ADAMTSL1: variants seen among roughly 807,000 people sequenced by gnomAD.
ADAMTSL1 encodes the protein ADAMTS-like protein 1.
In ADAMTSL1, 126 loss-of-function variants were observed where a neutral mutation model predicts 201.8. The ratio of observed to expected loss-of-function variants is 0.62; its 90% CI spans 0.54 to 0.72. The LOEUF is 0.72. Ranked by LOEUF, ADAMTSL1 falls within the 30% of genes least tolerant of loss-of-function variation. The probability of loss-of-function intolerance (pLI) is 0.00; values close to 1 mark genes in which losing one functional copy is unlikely to be tolerated. For missense variants in ADAMTSL1, 2,679 were observed against 2,277.8 expected (o/e 1.18, Z -3.59); for synonymous variants, 1,121 against 903.4 (o/e 1.24, Z -4.32).
chr9:18,764,955 G>A (rs1193097194), intron 16 of ADAMTSL1, among the ~76,000 whole-genome samples: 1 of 152,132 alleles, frequency 6.6e-6, no homozygotes, highest in African/African-American at 2.4e-5. Flanking sequence ...TTTTCAATGA[G>A]TAATCACTCT....
chr9:18,531,749 A>T (rs552204142), intron 2 of ADAMTSL1, among the ~76,000 whole-genome samples: 11 of 152,276 alleles, frequency 7.2e-5, no homozygotes, highest in African/African-American at 2.4e-4. Flanking sequence ...TGTATTCTTC[A>T]CAGTAATTTC....
At chr9:18,251,855 C>T (rs1831476290) in intron 2 of ADAMTSL1, among the ~76,000 whole-genome samples, 1 of 152,098 alleles carries the variant, frequency 6.6e-6, no homozygotes, top group Admixed American at 6.5e-5. Flanking sequence ...GATGGCATTT[C>T]AATTCAGTGG....
intron 2 of ADAMTSL1, among the ~76,000 whole-genome samples, chr9:18,182,426 A>C (rs916600983): frequency 1.3e-5 from 2 of 152,232 alleles, no homozygotes; most frequent in Admixed American, 1.3e-4. Context: ...TATACAGTTT[A>C]AGAAGGGAAA....
chr9:18,444,360 G>C (rs1820109221), intron 2 of ADAMTSL1, among the ~76,000 whole-genome samples: 1 of 152,140 alleles, frequency 6.6e-6, no homozygotes, highest in Non-Finnish European at 1.5e-5. Context: ...AGCTCAGAGA[G>C]ACTAAATAAC....
intron 1 of ADAMTSL1, among the ~76,000 whole-genome samples, chr9:17,947,115 G>A (rs1174427635): frequency 6.6e-6 from 1 of 151,354 alleles, no homozygotes; most frequent in African/African-American, 2.4e-5. Context: ...TTAACTGTGT[G>A]TGCATATAAA....
chr9:18,170,871 G>T (rs556055112), intron 2 of ADAMTSL1, among the ~76,000 whole-genome samples: 4 of 152,148 alleles, frequency 2.6e-5, no homozygotes, highest in South Asian at 4.1e-4. Context: ...TTGTCATCAG[G>T]TTTCTGTGTT....
intron 2 of ADAMTSL1, among the ~76,000 whole-genome samples, chr9:18,224,136 G>A (rs1830358952): frequency 6.6e-6 from 1 of 152,000 alleles, no homozygotes; most frequent in African/African-American, 2.4e-5. Flanking sequence ...TTGCCATTTG[G>A]GCATGGTCTT....
chr9:18,524,495 G>A (rs562133173), intron 2 of ADAMTSL1, among the ~76,000 whole-genome samples: 1 of 152,266 alleles, frequency 6.6e-6, no homozygotes, highest in East Asian at 1.9e-4. Context: ...GGAGTGGTGA[G>A]AGAGGGCATC....
Position 18,684,700 on chromosome 9 carries a change from T to A in ADAMTSL1, c.1490-16T>A. 2 of 1,611,366 alleles carry A rather than the reference T, an allele frequency of 1.2e-6. No homozygotes were observed. Among genetic ancestry groups the A allele is most frequent in the Non-Finnish European group, 1.7e-6 (2 of 1,178,974 alleles). ...TCTAACCTCTTCTTTTGTATGTGCA[T>A]GCACTGAATTCTCAGAGAAACTTCC... On this transcript the variant is annotated splice_polypyrimidine_tract_variant and intron_variant, in intron 12 of 28. Transcript: ENST00000380548.
intron 1 of ADAMTSL1, among the ~76,000 whole-genome samples, chr9:18,122,920 G>T (rs551163645): frequency 6.6e-6 from 1 of 152,034 alleles, no homozygotes; most frequent in Admixed American, 6.6e-5. Flanking sequence ...TGTACTTTTT[G>T]TCAAGATGGA....
At chr9:18,695,259 T>C (rs1175809813) in intron 13 of ADAMTSL1, among the ~76,000 whole-genome samples, 2 of 152,202 alleles carry the variant, frequency 1.3e-5, no homozygotes, top group Admixed American at 6.5e-5. Flanking sequence ...GAAGGGCTGC[T>C]GTGAAGGTCT....
At chr9:18,622,634 A>T (rs1318678282) in intron 5 of ADAMTSL1, 1 of 567,810 alleles carries the variant, frequency 1.8e-6, no homozygotes. Context: ...TTTCTGTACA[A>T]ACATGAGCTT....
intron 1 of ADAMTSL1, among the ~76,000 whole-genome samples, chr9:18,502,275 T>C (rs920642661): frequency 6.6e-6 from 1 of 152,222 alleles, no homozygotes; most frequent in Non-Finnish European, 1.5e-5. Context: ...GTGATACTGG[T>C]TTCATCAAAG....
At chr9:18,794,602 ATGTC>A (rs1588122560) in intron 19 of ADAMTSL1, among the ~76,000 whole-genome samples, 3 of 150,644 alleles carry the variant, frequency 2.0e-5, no homozygotes, top group East Asian at 4.0e-4. Context: ...ACCTGAACAG[ATGTC>A]TGTCTGGTTG....
chr9:18,618,583 A>C (rs1188979224), intron 4 of ADAMTSL1, among the ~76,000 whole-genome samples: 1 of 118,168 alleles, frequency 8.5e-6, no homozygotes, highest in Non-Finnish European at 1.9e-5. Flanking sequence ...ATTCTCTCAC[A>C]AAAAAAAAAA....
intron 23 of ADAMTSL1, among the ~76,000 whole-genome samples, chr9:18,851,703 A>G (rs1438947764): frequency 6.6e-6 from 1 of 152,186 alleles, no homozygotes; most frequent in Admixed American, 6.5e-5. Flanking sequence ...GGCTGTCAGC[A>G]TGAGCAGTGG....
At chr9:17,968,283 T>G (rs2772684) in intron 1 of ADAMTSL1, among the ~76,000 whole-genome samples, 2 of 151,962 alleles carry the variant, frequency 1.3e-5, no homozygotes, top group African/African-American at 4.8e-5. Flanking sequence ...CTTCTTCAGG[T>G]ATGGATGCAT....
rs143389038 is a variant in ADAMTSL1, at chr9:18,677,909, A to G, written c.1136+2002A>G. ...TTAGTAAATGGAAACTATTTTTACA[A>G]CTGTGTTTTCATTCGTAAGAAGAAT... On this transcript the variant is annotated intron_variant, in intron 10 of 28. Coordinates refer to ENST00000380548, the MANE Select transcript of ADAMTSL1 (RefSeq NM_001040272.6). Among the ~76,000 whole-genome samples, 462 of 152,188 alleles carry G rather than the reference A, an allele frequency of 3.0e-3. 2 individuals are homozygous for G. The highest frequency in any genetic ancestry group is 5.3e-3 in the Non-Finnish European group (360 of 67,920).
At chr9:18,614,601 G>A (rs996004838) in intron 4 of ADAMTSL1, among the ~76,000 whole-genome samples, 9 of 151,756 alleles carry the variant, frequency 5.9e-5, no homozygotes, top group African/African-American at 1.5e-4. Context: ...CTCCTCCTCC[G>A]TGCCCCTTTG....
Sources: allele counts gnomAD v4.1 joint callset (sites outside exome capture counted in the v4.1 genomes callset), GRCh38; gene constraint gnomAD v4.1.1; transcripts MANE v1.5; gene names NCBI Gene and HGNC (gene_info 2026-07-23, HGNC 2026-07-21).